Variants in SMARCC2 observed in about 807,000 individuals in gnomAD.
The protein encoded by SMARCC2 is SWI/SNF complex subunit SMARCC2.
A neutral mutation model predicts 151.3 loss-of-function variants in SMARCC2; 15 were observed. The observed-to-expected ratio is 0.10, with a 90% CI of 0.07 to 0.15. SMARCC2 has a LOEUF of 0.15. SMARCC2 is among the 10% of genes least tolerant of loss of function. The pLI is 1.00. For synonymous variants in SMARCC2, 590 were observed against 609.5 expected, an observed-to-expected ratio of 0.97 and a Z score of 0.47; for missense variants, 1,031 against 1,599.7, an observed-to-expected ratio of 0.64 and a Z score of 6.06.
intron 3 of SMARCC2, 94 bp from the exon 4 acceptor site, chr12:56,185,205 G>A: frequency 1.1e-6 from 1 of 940,142 alleles, no homozygotes; most frequent in Non-Finnish European, 1.7e-6. Context: ...TTGAGATGGA[G>A]TCTTGCTCTG....
intron 2 of SMARCC2, 106 bp from the exon 3 acceptor site, chr12:56,186,346 T>TC: frequency 1.6e-6 from 1 of 611,094 alleles, no homozygotes. Context: ...TGAATTGATC[T>TC]CCCTTTTTTT....
At chr12:56,186,077 C>T (rs1592326531) in intron 3 of SMARCC2, 78 bp downstream of exon 3, 2 of 1,032,848 alleles carry the variant, frequency 1.9e-6, no homozygotes, top group Middle Eastern at 4.1e-4. Flanking sequence ...GAATTTCTAC[C>T]CCAGAAAGAT....
At position 56,189,481 on chromosome 12, in the gene SMARCC2, G is replaced by T; in HGVS notation, c.-20C>A. The T allele has an allele frequency of 7.1e-7, 1 of 1,405,626 alleles. No homozygotes were observed. Among genetic ancestry groups the T allele is most frequent in the Non-Finnish European group, 9.5e-7 (1 of 1,048,028 alleles). The allele number at this position is 1,405,626 out of a possible 1,614,324, so 87.1% of individuals were successfully genotyped here. On this transcript the variant is annotated 5_prime_UTR_variant, in exon 1 of 29. Coordinates refer to ENST00000550164, the MANE Select transcript of SMARCC2 (RefSeq NM_001330288.2). ...CGCCATCTTCTCCGGCTCGGGCCCCGCCGCCGCCCGCCCCACTCAGCTCAG... is the reference window on the plus strand; with the variant it reads ...CGCCATCTTCTCCGGCTCGGGCCCCTCCGCCGCCCGCCCCACTCAGCTCAG...
chr12:56,187,309 A>G lies in SMARCC2; in HGVS notation c.112-3T>C, dbSNP rs1423405397. 1.9e-6 allele frequency: 3 copies of G among 1,609,780 alleles called. No homozygotes were observed. The highest frequency in any genetic ancestry group is 2.2e-5 in the South Asian group (2 of 90,696). ...GTGGGTGGTTCAGCTTGTATATACT[A>G]AGGAAAAAGAGGGAAAGGAAAGAAA... On this transcript the variant is annotated splice_polypyrimidine_tract_variant and splice_region_variant and intron_variant, in intron 1 of 28. Transcript: ENST00000550164.
At chr12:56,167,135 T>C (rs1872943070) in intron 26 of SMARCC2, among the ~76,000 whole-genome samples, 1 of 149,656 alleles carries the variant, frequency 6.7e-6, no homozygotes, top group South Asian at 2.1e-4. Context: ...GCTGATCACC[T>C]GAGATCGGGA....
rs925020679 is a variant in SMARCC2 at position 56,168,107 on chromosome 12, G to T, written c.2803C>A (p.Arg935=). ...TQMKKLEIKL[R]HFEELETIMD... is the part of the protein sequence containing the mutation. The stretch of plus-strand genomic sequence containing the variant: ...ATAGTCTCCAGCTCCTCAAAGTGCC[G>T]AAGTTTGATCTCCAACTTTTTCATC... Residue 935 remains arginine (R), a synonymous_variant, in exon 26 of 29, where the codon CGG becomes AGG. Coordinates refer to ENST00000550164, the MANE Select transcript of SMARCC2 (RefSeq NM_001330288.2). The T allele has an allele frequency of 1.2e-6, 2 of 1,613,928 alleles. No individual in the cohort carries two copies. The highest frequency in any genetic ancestry group is 2.7e-5 in the African/African-American group (2 of 74,864).
intron 15 of SMARCC2, 80 bp from the exon 16 acceptor site, chr12:56,174,844 G>C: frequency 4.6e-6 from 4 of 879,052 alleles, no homozygotes; most frequent in Non-Finnish European, 7.7e-6. Context: ...TGGTAAGAGA[G>C]CTAATGACTT....
chr12:56,189,285 G>C, intron 1 of SMARCC2, 66 bp downstream of exon 1: 1 of 1,015,308 alleles, frequency 9.8e-7, no homozygotes, highest in Non-Finnish European at 1.4e-6. Flanking sequence ...AGGATCCCGG[G>C]GCTGCAGGGC....
Position 56,178,500 on chromosome 12 carries a change from T to C in SMARCC2, c.1214A>G (p.Glu405Gly). 1 of 1,614,130 alleles carries C rather than the reference T, an allele frequency of 6.2e-7. No homozygotes were observed. Among genetic ancestry groups the C allele is most frequent in the Non-Finnish European group, 8.5e-7 (1 of 1,179,990 alleles). Residue 405 changes from glutamate to glycine, a missense_variant, in exon 14 of 29, where the codon GAG becomes GGG. Physicochemically the swap from Glu to Gly is moderately conservative, Grantham distance 98. This residue lies in a region of SMARCC2 where 127 missense variants were observed against 141.7 expected (regional missense o/e 0.90). Coordinates refer to ENST00000550164, the MANE Select transcript of SMARCC2 (RefSeq NM_001330288.2). ...ATGCAGGTCTGGATTCTTGGTCTGC[T>C]CTCCCTTGTTCCCCGTACTGTTCTC... ...EDENSTGNKG[E>G]QTKNPDLHED...
chr12:56,178,909 A>G, intron 12 of SMARCC2, 62 bp from the exon 13 acceptor site: 5 of 1,603,050 alleles, frequency 3.1e-6, no homozygotes, highest in Non-Finnish European at 4.3e-6. Flanking sequence ...AGCCCTACCA[A>G]AAGCCCATCA....
chr12:56,177,613 CCTTCT>C (rs1273732265), intron 15 of SMARCC2, among the ~76,000 whole-genome samples: 2 of 151,998 alleles, frequency 1.3e-5, no homozygotes, highest in Non-Finnish European at 2.9e-5. Flanking sequence ...TCTATTAGTT[CCTTCT>C]CTTGTTTTTC....
At chr12:56,167,987 CA>C in intron 26 of SMARCC2, 72 bp downstream of exon 26, 1 of 1,475,736 alleles carries the variant, frequency 6.8e-7, no homozygotes, top group African/African-American at 1.4e-5. Flanking sequence ...CACACACACA[CA>C]CACACACACA....
rs1293926117 is a variant in SMARCC2, at chr12:56,172,949, G to A, written c.1731C>T (p.Gly577=). 6.2e-7 allele frequency: 1 copy of A among 1,613,552 alleles called. No individual in the cohort carries two copies. The highest frequency in any genetic ancestry group is 2.2e-5 in the East Asian group (1 of 44,882). ...LDDLVPETAK[G]KPELQTSASQ... is the part of the protein sequence containing the mutation. ...GCACCCCACCTACCAGCTCTGGCTT[G>A]CCCTTAGCCGTCTCTGGCACCAGGT... Residue 577 remains glycine, a synonymous_variant, in exon 18 of 29, where the codon GGC becomes GGT. Coordinates refer to ENST00000550164, the MANE Select transcript of SMARCC2 (RefSeq NM_001330288.2).
intron 1 of SMARCC2, among the ~76,000 whole-genome samples, chr12:56,187,553 CCT>C (rs1237375377): frequency 3.9e-5 from 6 of 152,194 alleles, no homozygotes; most frequent in African/African-American, 1.4e-4. Flanking sequence ...TACTACTCTT[CCT>C]CAGTTATACT....
Position 56,183,544 on chromosome 12 carries a change from A to G in SMARCC2, c.632+317T>C, listed in dbSNP as rs4759222. ...GTTATATCACTTTAAAGACTGCATA[A>G]TAGTCCACTGAGTAGATATACAAAT... On this transcript the variant is annotated intron_variant, in intron 7 of 28. Transcript: ENST00000550164. 375 of 253,638 alleles carry G rather than the reference A, an allele frequency of 1.5e-3. 1 individual carries two copies. Among genetic ancestry groups the G allele is most frequent in the Middle Eastern group, 7.3e-3 (5 of 688 alleles). 15.7% of individuals were successfully genotyped at this position (253,638 alleles called of 1,614,324 possible).
Position 56,164,307 on chromosome 12 carries a change from C to G in SMARCC2, c.3657G>C (p.Leu1219=), listed in dbSNP as rs749542555. The G allele has an allele frequency of 1.9e-6, 3 of 1,612,642 alleles. No homozygotes were observed. Among genetic ancestry groups the G allele is most frequent in the Non-Finnish European group, 1.7e-6 (2 of 1,179,842 alleles). The change falls in exon 28 of 29, where the codon CTG becomes CTC. Residue 1219 remains leucine, a synonymous_variant. Transcript: ENST00000550164. ...CCCCTCTTGGCCCCTTCTCACCTGGCAGTGGGCTGGCACTGGGCAGGAGGT... is the reference window on the plus strand; with the variant it reads ...CCCCTCTTGGCCCCTTCTCACCTGGGAGTGGGCTGGCACTGGGCAGGAGGT... ...QGNLLPSASP[L]PDPGTPLPPD... is the part of the protein sequence containing the mutation.
rs756123637 is a variant in SMARCC2 at position 56,164,667 on chromosome 12, G to A, written c.3297C>T (p.Ser1099=). ...CATTACCCGCCACGCCTGGGTGCCCGCTGCCTGGCACTGCCCCTGGCATCA... is the reference window on the plus strand; with the variant it reads ...CATTACCCGCCACGCCTGGGTGCCCACTGCCTGGCACTGCCCCTGGCATCA... The part of the protein sequence containing the change: ...PSMMPGAVPG[S]GHPGVAGNAP... Residue 1099 remains serine (S), a synonymous_variant, in exon 28 of 29, where the codon AGC becomes AGT. Coordinates refer to ENST00000550164, the MANE Select transcript of SMARCC2 (RefSeq NM_001330288.2). 11 of 1,611,914 alleles carry A rather than the reference G, an allele frequency of 6.8e-6. No individual in the cohort carries two copies. Among genetic ancestry groups the A allele is most frequent in the Middle Eastern group, 1.7e-4 (1 of 6,040 alleles).
chr12:56,182,437 G>A (rs931681149), intron 7 of SMARCC2, among the ~76,000 whole-genome samples: 1 of 151,310 alleles, frequency 6.6e-6, no homozygotes, highest in South Asian at 2.1e-4. Context: ...CGATTCTCCT[G>A]CCTCAGCCTC....
intron 15 of SMARCC2, 137 bp downstream of exon 15, chr12:56,177,885 C>G (rs1483267800): frequency 6.3e-6 from 4 of 631,192 alleles, no homozygotes; most frequent in Non-Finnish European, 1.1e-5. Context: ...AGATATTGTG[C>G]CTTTGTAAGC....
Sources: gnomAD v4.1 joint callset for allele counts (sites outside exome capture counted in the v4.1 genomes callset) on GRCh38, gnomAD v4.1.1 for gene constraint, gnomAD v4.1.1 regional missense constraint, MANE v1.5 for transcripts, NCBI Gene and HGNC (gene_info 2026-07-23, HGNC 2026-07-21) for gene names.